The following CSMD1 variants were observed in gnomAD, a reference collection of about 807,000 sequenced individuals.
CSMD1 encodes CUB and Sushi multiple domains 1, also known as CUB and sushi domain-containing protein 1.
Under a neutral mutation model 417.5 loss-of-function variants are expected in CSMD1, and 213 were observed. That is an observed-to-expected ratio of 0.51 (90% CI 0.46 to 0.57). CSMD1 has a LOEUF of 0.57. CSMD1 is among the 20% of genes least tolerant of loss of function. The pLI is 0.00. For synonymous variants in CSMD1, 2,862 were observed against 1,736.8 expected (o/e 1.65, Z -16.11); for missense variants, 6,923 against 4,529.7 (o/e 1.53, Z -15.17).
At chr8:4,816,777 T>C (rs112019465) in intron 1 of CSMD1, among the ~76,000 whole-genome samples, 21 of 152,116 alleles carry the variant, frequency 1.4e-4, no homozygotes, top group Non-Finnish European at 2.5e-4. Flanking sequence ...AGGATGGGGA[T>C]GAAGGAACAG....
chr8:4,937,172 G>C (rs552395667), intron 1 of CSMD1, among the ~76,000 whole-genome samples: 1 of 152,072 alleles, frequency 6.6e-6, no homozygotes, highest in Non-Finnish European at 1.5e-5. Context: ...CTGATCCTGA[G>C]ACTGCATTAC....
intron 5 of CSMD1, among the ~76,000 whole-genome samples, chr8:3,759,300 T>C (rs568616869): frequency 1.8e-4 from 27 of 152,156 alleles, no homozygotes; most frequent in Non-Finnish European, 3.7e-4. Flanking sequence ...TGATCTAGAA[T>C]GATCCTGAGG....
At chr8:4,757,612 G>C (rs936034049) in intron 1 of CSMD1, among the ~76,000 whole-genome samples, 2 of 152,072 alleles carry the variant, frequency 1.3e-5, no homozygotes, top group Non-Finnish European at 2.9e-5. Flanking sequence ...CTACCAAGTT[G>C]GATTATGTGC....
chr8:3,098,459 A>G (rs1194990216), intron 46 of CSMD1, among the ~76,000 whole-genome samples: 1 of 152,206 alleles, frequency 6.6e-6, no homozygotes, highest in Non-Finnish European at 1.5e-5. Flanking sequence ...GAAAATGTTT[A>G]GACATAAGAC....
chr8:3,937,589 A>T (rs1391152101), intron 5 of CSMD1, among the ~76,000 whole-genome samples: 1 of 152,160 alleles, frequency 6.6e-6, no homozygotes, highest in East Asian at 1.9e-4. Context: ...ATATAACTTT[A>T]ATATGCACTG....
intron 26 of CSMD1, among the ~76,000 whole-genome samples, chr8:3,250,677 AGT>A (rs2117029292): frequency 1.3e-5 from 2 of 152,330 alleles, no homozygotes; most frequent in Non-Finnish European, 2.9e-5. Context: ...TCCCACCAAC[AGT>A]GTAAAAGTGT....
At chr8:3,794,954 A>C (rs1220422817) in intron 5 of CSMD1, among the ~76,000 whole-genome samples, 12 of 150,502 alleles carry the variant, frequency 8.0e-5, no homozygotes, top group Admixed American at 1.3e-4. Flanking sequence ...CTATAGATAT[A>C]TATCTATCAT....
intron 5 of CSMD1, among the ~76,000 whole-genome samples, chr8:3,995,240 T>C (rs956040967): frequency 3.3e-5 from 5 of 152,212 alleles, no homozygotes; most frequent in Admixed American, 6.5e-5. Context: ...CATAGTTATT[T>C]AGGAGAACCA....
chr8:4,289,758 C>T lies in CSMD1; in HGVS notation c.415+130195G>A, dbSNP rs919735611. 3.5e-4 allele frequency among the ~76,000 whole-genome samples: 54 copies of T among 152,168 alleles called. 1 individual carries two copies. Among genetic ancestry groups the T allele is most frequent in the Non-Finnish European group, 1.3e-4 (9 of 68,042 alleles). ...TAATGCATTGTGAATAAAACATCTCCACCGTACTGGAAGCACCATAGTTAA... is the reference window on the plus strand; with the variant it reads ...TAATGCATTGTGAATAAAACATCTCTACCGTACTGGAAGCACCATAGTTAA... On this transcript the variant is annotated intron_variant, in intron 3 of 69. Transcript: ENST00000635120.
At chr8:4,442,483 A>G (rs940588605) in intron 2 of CSMD1, among the ~76,000 whole-genome samples, 1 of 152,144 alleles carries the variant, frequency 6.6e-6, no homozygotes, top group Non-Finnish European at 1.5e-5. Context: ...AGCATATTAC[A>G]TCTGTTATGT....
At chr8:3,348,240 A>T (rs779304274) in intron 21 of CSMD1, 79 bp from the exon 22 acceptor site, 18 of 999,284 alleles carry the variant, frequency 1.8e-5, no homozygotes, top group Admixed American at 2.6e-5. Context: ...CTTTAAAATC[A>T]TGATAGCCTC....
At chr8:4,258,131 G>T (rs189141444) in intron 3 of CSMD1, among the ~76,000 whole-genome samples, 8 of 150,970 alleles carry the variant, frequency 5.3e-5, no homozygotes, top group Admixed American at 5.3e-4. Flanking sequence ...TTTTAGTAGA[G>T]ATGAGGTCTC....
intron 26 of CSMD1, chr8:3,279,073 C>G (rs1278519792): frequency 2.0e-5 from 3 of 152,126 alleles, no homozygotes; most frequent in Non-Finnish European, 4.4e-5. Flanking sequence ...TCACTGGTTC[C>G]CAGAAGTGGC....
intron 2 of CSMD1, among the ~76,000 whole-genome samples, chr8:4,634,312 A>G (rs1214611194): frequency 6.6e-6 from 1 of 152,214 alleles, no homozygotes; most frequent in African/African-American, 2.4e-5. Context: ...CAAGGTAAGC[A>G]TCAATAATTC....
At chr8:2,986,692 G>C (rs998937809) in intron 54 of CSMD1, among the ~76,000 whole-genome samples, 1 of 152,022 alleles carries the variant, frequency 6.6e-6, no homozygotes, top group Admixed American at 6.5e-5. Context: ...TTTTAGTAGA[G>C]ACGGGTTTTC....
rs192313111 is a variant in CSMD1, at chr8:3,778,369, C to T, written c.819-24327G>A. Among the ~76,000 whole-genome samples the T allele has an allele frequency of 6.0e-3, 917 of 152,294 alleles. 3 individuals carry two copies. The highest frequency in any genetic ancestry group is 0.014 in the Admixed American group (218 of 15,290). ...AATCACCAGCTGTCTGGAATCATTT[C>T]GGTAAGAAGACCGGGGGCAGAAACA... On this transcript the variant is annotated intron_variant, in intron 5 of 69. Coordinates refer to ENST00000635120, the MANE Select transcript of CSMD1 (RefSeq NM_033225.6).
At chr8:4,320,649 G>T (rs1408927377) in intron 3 of CSMD1, among the ~76,000 whole-genome samples, 1 of 152,036 alleles carries the variant, frequency 6.6e-6, no homozygotes, top group African/African-American at 2.4e-5. Context: ...GAGAATGATG[G>T]TTTACAGCTT....
Position 3,281,056 on chromosome 8 carries a change from C to G in CSMD1, c.4153+3088G>C, listed in dbSNP as rs182307640. Among the ~76,000 whole-genome samples the G allele has an allele frequency of 4.8e-3, 734 of 152,264 alleles. 9 individuals carry two copies. Among genetic ancestry groups the G allele is most frequent in the Non-Finnish European group, 4.4e-3 (300 of 68,038 alleles). ...TCTAGTCAGGTGAACTGAAAACTTA[C>G]GTCCACACAAAAACCTGCACACAGA... is the stretch of plus-strand genomic sequence containing the variant. On this transcript the variant is annotated intron_variant, in intron 26 of 69. Coordinates refer to ENST00000635120, the MANE Select transcript of CSMD1 (RefSeq NM_033225.6).
In CSMD1 at chr8:4,983,625, C is replaced by T. The variant is rs543704724; in HGVS notation, c.85+10707G>A. Among the ~76,000 whole-genome samples, 28 of 152,198 alleles carry T rather than the reference C, an allele frequency of 1.8e-4. No homozygotes were observed. In the East Asian group the frequency reaches 4.8e-3, roughly 26 times the overall value. On this transcript the variant is annotated intron_variant, in intron 1 of 69. Transcript: ENST00000635120. Reference sequence around the variant, plus strand: ...GCAACCTCTGTCTCTAGGGTTCAAGCGATTCTCCTGCCTCAACCTCCCATG... The same window carrying T: ...GCAACCTCTGTCTCTAGGGTTCAAGTGATTCTCCTGCCTCAACCTCCCATG...
Sources: allele counts gnomAD v4.1 joint callset (sites outside exome capture counted in the v4.1 genomes callset), GRCh38; gene constraint gnomAD v4.1.1; transcripts MANE v1.5; gene names NCBI Gene and HGNC (gene_info 2026-07-23, HGNC 2026-07-21).